MED12L: variants seen among roughly 807,000 people sequenced by gnomAD.
MED12L encodes the protein mediator of RNA polymerase II transcription subunit 12-like protein.
Under a neutral mutation model 281.3 loss-of-function variants are expected in MED12L, and 60 were observed. That is an observed-to-expected ratio of 0.21 (90% CI 0.17 to 0.26). The LOEUF (loss-of-function observed/expected upper bound fraction) is 0.26, where lower values mean the gene tolerates loss of function less well. Ranked by LOEUF, MED12L falls within the 10% of genes least tolerant of loss-of-function variation. The probability of loss-of-function intolerance (pLI) is 1.00; values close to 1 mark genes in which losing one functional copy is unlikely to be tolerated. For missense variants in MED12L, 2,146 were observed against 2,680.9 expected (o/e 0.80, Z 4.41); for synonymous variants, 974 against 987.2 (o/e 0.99, Z 0.25).
In MED12L at chr3:151,259,000, C is replaced by T. The variant is rs111828530; in HGVS notation, c.2250+65334C>T. Among the ~76,000 whole-genome samples, 1,033 of 152,246 alleles carry T rather than the reference C, an allele frequency of 6.8e-3. 8 individuals are homozygous for T. The highest frequency in any genetic ancestry group is 0.014 in the South Asian group (69 of 4,826). On this transcript the variant is annotated intron_variant, in intron 16 of 44. Transcript: ENST00000687756. ...GAAATGGTGCTGATAAGTGGTGCTGCACACACATATGTAATATGTATGTAT... is the reference window on the plus strand; with the variant it reads ...GAAATGGTGCTGATAAGTGGTGCTGTACACACATATGTAATATGTATGTAT...
intron 16 of MED12L, among the ~76,000 whole-genome samples, chr3:151,300,365 G>T (rs1745736514): frequency 6.6e-6 from 1 of 152,166 alleles, no homozygotes; most frequent in African/African-American, 2.4e-5. Context: ...ATAATTCCCT[G>T]CTGGGAGTTA....
In MED12L at chr3:151,391,961, G is replaced by A. The variant is rs566317934; in HGVS notation, c.5608+1826G>A. Among the ~76,000 whole-genome samples the A allele has an allele frequency of 4.6e-5, 7 of 152,222 alleles. No homozygotes were observed. In the South Asian group the frequency reaches 6.2e-4, roughly 14 times the overall value. ...TTAAACTTCCTCTTTTTAATGCCACGGTCCATGTGAATTTTTAGCCATTTT... is the reference window on the plus strand; with the variant it reads ...TTAAACTTCCTCTTTTTAATGCCACAGTCCATGTGAATTTTTAGCCATTTT... On this transcript the variant is annotated intron_variant, in intron 38 of 44. Transcript: ENST00000687756.
In MED12L at chr3:151,416,317, G is replaced by GCAGCCCCAGCAGCCC. The variant is rs759006092; in HGVS notation, c.6318_6332dup (p.Gln2107_Pro2111dup). 7.4e-6 allele frequency: 12 copies of GCAGCCCCAGCAGCCC among 1,611,530 alleles called. No individual in the cohort carries two copies. The highest frequency in any genetic ancestry group is 1.0e-5 in the Non-Finnish European group (12 of 1,178,816). On this transcript the variant is annotated inframe_insertion, in exon 43 of 45. Coordinates refer to ENST00000687756, the MANE Select transcript of MED12L (RefSeq NM_001393769.1). Reference sequence around the variant, plus strand: ...CATTTTTACCCTCTTTCCAGATGCAGCAGCCCCAGCAGCCCCAGCCCCAGC... The same window carrying GCAGCCCCAGCAGCCC: ...CATTTTTACCCTCTTTCCAGATGCAGCAGCCCCAGCAGCCCCAGCCCCAGCAGCCCCAGCCCCAGC...
chr3:151,392,050 C>A (rs1714302677), intron 38 of MED12L, among the ~76,000 whole-genome samples: 1 of 152,182 alleles, frequency 6.6e-6, no homozygotes, highest in Admixed American at 6.6e-5. Context: ...ATTTGACACA[C>A]AAGGACTGTC....
At chr3:151,297,637 T>A (rs1577263444) in intron 16 of MED12L, among the ~76,000 whole-genome samples, 1 of 152,184 alleles carries the variant, frequency 6.6e-6, no homozygotes, top group East Asian at 1.9e-4. Flanking sequence ...TTGTGTTGGC[T>A]CCCTGGGGAT....
intron 5 of MED12L, among the ~76,000 whole-genome samples, chr3:151,130,368 A>G (rs1715200699): frequency 6.6e-6 from 1 of 152,164 alleles, no homozygotes; most frequent in African/African-American, 2.4e-5. Context: ...TTTACTTTCA[A>G]AATAAAACCA....
At chr3:151,233,665 G>A (rs577737927) in intron 16 of MED12L, among the ~76,000 whole-genome samples, 41 of 152,316 alleles carry the variant, frequency 2.7e-4, no homozygotes, top group African/African-American at 8.7e-4. Context: ...CCCGGGAGGC[G>A]GAGGTTGTGG....
chr3:151,228,744 C>T (rs1056631944), intron 16 of MED12L, among the ~76,000 whole-genome samples: 1 of 152,210 alleles, frequency 6.6e-6, no homozygotes, highest in Non-Finnish European at 1.5e-5. Flanking sequence ...TGGCACAAAG[C>T]TCTGCATCAC....
At chr3:151,225,647 C>A (rs574003614) in intron 16 of MED12L, among the ~76,000 whole-genome samples, 2 of 152,328 alleles carry the variant, frequency 1.3e-5, no homozygotes, top group South Asian at 4.1e-4. Flanking sequence ...GCTGTCTCAT[C>A]CGTGTTCTGC....
intron 2 of MED12L, among the ~76,000 whole-genome samples, chr3:151,115,156 T>C (rs181516759): frequency 8.5e-5 from 13 of 152,190 alleles, no homozygotes; most frequent in Admixed American, 8.5e-4. Context: ...GGTTGTGATG[T>C]TGTGTGGCTG....
chr3:151,154,398 A>G (rs978036297), intron 5 of MED12L, among the ~76,000 whole-genome samples: 1 of 152,220 alleles, frequency 6.6e-6, no homozygotes, highest in Non-Finnish European at 1.5e-5. Context: ...AAAGATGGAA[A>G]GATATATATG....
chr3:151,402,271 T>C (rs62285914), intron 39 of MED12L, among the ~76,000 whole-genome samples: 10,241 of 152,280 alleles, frequency 0.067, 525 homozygotes, highest in Middle Eastern at 0.18. Flanking sequence ...GGCATTTGAA[T>C]ATATAAATGA....
chr3:151,392,781 G>A (rs1714443019), intron 38 of MED12L, among the ~76,000 whole-genome samples: 1 of 152,150 alleles, frequency 6.6e-6, no homozygotes, highest in Non-Finnish European at 1.5e-5. Context: ...AGGAGTAAGT[G>A]AGGAAAGTAA....
At chr3:151,204,370 G>GA (rs1279867340) in intron 16 of MED12L, among the ~76,000 whole-genome samples, 1 of 152,070 alleles carries the variant, frequency 6.6e-6, no homozygotes, top group East Asian at 1.9e-4. Flanking sequence ...GGAGACTTTT[G>GA]AAAAAAATGT....
intron 31 of MED12L, among the ~76,000 whole-genome samples, chr3:151,378,487 T>C (rs1489414080): frequency 6.6e-6 from 1 of 151,944 alleles, no homozygotes; most frequent in Non-Finnish European, 1.5e-5. Context: ...ATTTTATTTT[T>C]AATTATTTCT....
intron 2 of MED12L, among the ~76,000 whole-genome samples, chr3:151,113,025 G>A (rs575518624): frequency 5.9e-5 from 9 of 152,268 alleles, no homozygotes; most frequent in South Asian, 2.1e-4. Flanking sequence ...TCTTCTTGTC[G>A]AGGAGACAGC....
intron 16 of MED12L, among the ~76,000 whole-genome samples, chr3:151,218,395 G>T (rs2149251276): frequency 6.6e-6 from 1 of 152,292 alleles, no homozygotes; most frequent in South Asian, 2.1e-4. Flanking sequence ...GAGCCAGTTT[G>T]TGTAGGTGTC....
At chr3:151,356,627 TTTTTTGTTGTTG>T (rs1354208051) in intron 19 of MED12L, among the ~76,000 whole-genome samples, 1 of 152,120 alleles carries the variant, frequency 6.6e-6, no homozygotes, top group African/African-American at 2.4e-5. Context: ...TCTTCTGTTT[TTTTTTGTTGTTG>T]TTGTTGTTTT....
At chr3:151,175,360 T>C (rs1483375559) in intron 11 of MED12L, among the ~76,000 whole-genome samples, 1 of 152,234 alleles carries the variant, frequency 6.6e-6, no homozygotes, top group Non-Finnish European at 1.5e-5. Flanking sequence ...CCTTTTAGTC[T>C]AAGATTAAAG....
Sources: gnomAD v4.1 joint callset for allele counts (sites outside exome capture counted in the v4.1 genomes callset) on GRCh38, gnomAD v4.1.1 for gene constraint, MANE v1.5 for transcripts, NCBI Gene and HGNC (gene_info 2026-07-23, HGNC 2026-07-21) for gene names.